The following TDRD12 variants were observed in gnomAD, a reference collection of about 807,000 sequenced individuals.
The protein encoded by TDRD12 is tudor domain containing 12, also known as putative ATP-dependent RNA helicase TDRD12.
Under a neutral mutation model 133.5 loss-of-function variants are expected in TDRD12, and 158 were observed. The ratio of observed to expected loss-of-function variants is 1.18; its 90% CI spans 1.04 to 1.35. The LOEUF is 1.35. TDRD12 is among the 40% of genes most tolerant of loss of function. TDRD12 has a pLI of 0.00. For synonymous variants in TDRD12, 460 were observed against 477.9 expected (o/e 0.96, Z 0.49); for missense variants, 1,443 against 1,321.3 (o/e 1.09, Z -1.43).
At position 32,826,371 on chromosome 19, in the gene TDRD12, T is replaced by C. The variant is rs866868775; in HGVS notation, c.895+14T>C. The C allele has an allele frequency of 1.5e-5, 19 of 1,270,718 alleles. No individual in the cohort carries two copies. The South Asian group carries it at 3.4e-4, about 22-fold the overall frequency. 78.7% of individuals were successfully genotyped at this position (1,270,718 alleles called of 1,614,324 possible). The stretch of plus-strand genomic sequence containing the variant: ...AGTCGTTTTCAGGTAGGTTTATGTA[T>C]AGTCATATAAAGTAAAATAGAAATA... On this transcript the variant is annotated intron_variant, in intron 8 of 9. Coordinates refer to the TDRD12 transcript ENST00000637289.
At chr19:32,769,626 A>T (rs1021729062) in intron 8 of TDRD12, among the ~76,000 whole-genome samples, 1 of 150,844 alleles carries the variant, frequency 6.6e-6, no homozygotes, top group Non-Finnish European at 1.5e-5. Flanking sequence ...AAGAAGTCAC[A>T]TACATTAATT....
At chr19:32,821,983 G>A (rs1008206285), downstream of TDRD12, among the ~76,000 whole-genome samples, 17 of 152,160 alleles carry the variant, frequency 1.1e-4, no homozygotes, top group African/African-American at 3.6e-4. Context: ...AGCTGGGCAT[G>A]GTGGGGGGGC....
rs145073856 is a variant in TDRD12, at chr19:32,768,885, G to A, written c.866-3868G>A. The stretch of plus-strand genomic sequence containing the variant: ...TCTCCTTTGTGAAATTCCTGTTTAC[G>A]TGTTTTCTTATAATAAGCTTTGAGA... On this transcript the variant is annotated intron_variant, in intron 8 of 27. Coordinates refer to ENST00000444215, the Ensembl canonical transcript of TDRD12. 3.4e-3 allele frequency among the ~76,000 whole-genome samples: 520 copies of A among 152,106 alleles called. 6 individuals carry two copies. Among genetic ancestry groups the A allele is most frequent in the African/African-American group, 0.012 (490 of 41,492 alleles).
At chr19:32,794,121 T>TTTTTTTG (rs1407227350) in intron 13 of TDRD12, among the ~76,000 whole-genome samples, 1 of 74,364 alleles carries the variant, frequency 1.3e-5, no homozygotes, top group African/African-American at 6.2e-5. Context: ...TTTTTTTTTT[T>TTTTTTTG]TTGAGATGGA....
At chr19:32,791,224 G>A (rs1408455023) in intron 13 of TDRD12, among the ~76,000 whole-genome samples, 156 bp downstream of exon 13, 1 of 151,982 alleles carries the variant, frequency 6.6e-6, no homozygotes, top group Admixed American at 6.6e-5. Context: ...CACCACACTC[G>A]GCCTAATTTC....
intron 8 of TDRD12, among the ~76,000 whole-genome samples, chr19:32,758,693 G>T (rs1970064664): frequency 6.6e-6 from 1 of 152,172 alleles, no homozygotes. Flanking sequence ...CCAGCACCTT[G>T]GGAGGTCAAG....
intron 21 of TDRD12, among the ~76,000 whole-genome samples, chr19:32,804,725 G>A (rs2145710364): frequency 6.6e-6 from 1 of 151,532 alleles, no homozygotes; most frequent in East Asian, 2.0e-4. Context: ...GGGTGTGGTG[G>A]CACACACCTG....
At chr19:32,801,374 C>T (rs949841769) in intron 18 of TDRD12, among the ~76,000 whole-genome samples, 1 of 152,120 alleles carries the variant, frequency 6.6e-6, no homozygotes, top group South Asian at 2.1e-4. Context: ...ATTAATAGTA[C>T]ATCTAGCTTT....
At chr19:32,827,224 CT>C (rs1405334003) in exon 10 of TDRD12, 1 of 1,231,960 alleles carries the variant, frequency 8.1e-7, no homozygotes, top group African/African-American at 1.6e-5. Flanking sequence ...AGTAGCAGCA[CT>C]TCAGAGGATG....
chr19:32,799,256 T>C (rs1360340364), intron 16 of TDRD12, among the ~76,000 whole-genome samples: 1 of 152,172 alleles, frequency 6.6e-6, no homozygotes, highest in African/African-American at 2.4e-5. Context: ...TGAACTCCTC[T>C]GAAGTCTCAG....
At chr19:32,782,959 T>G (rs551290597) in intron 11 of TDRD12, among the ~76,000 whole-genome samples, 1 of 152,368 alleles carries the variant, frequency 6.6e-6, no homozygotes, top group East Asian at 1.9e-4. Context: ...CAGAAGCTCT[T>G]TAGTTTAATT....
chr19:32,740,038 ACT>A (rs1969367859), intron 3 of TDRD12, among the ~76,000 whole-genome samples: 1 of 37,952 alleles, frequency 2.6e-5, no homozygotes, highest in African/African-American at 1.1e-4. Flanking sequence ...TCTCCTGGGC[ACT>A]CTCTGCATCT....
chr19:32,746,945 A>G (rs1969663202), intron 4 of TDRD12, among the ~76,000 whole-genome samples: 2 of 146,410 alleles, frequency 1.4e-5, no homozygotes, highest in Admixed American at 6.8e-5. Context: ...TGTGAGAGAG[A>G]GAGAGGGGGA....
chr19:32,790,495 C>G, intron 11 of TDRD12, 36 bp from the exon 12 acceptor site: 1 of 1,540,260 alleles, frequency 6.5e-7, no homozygotes, highest in Non-Finnish European at 8.8e-7. Flanking sequence ...AAACAAACAC[C>G]TTTTTCTTCA....
exon 15 of TDRD12, chr19:32,797,849 C>A (rs1227020211): frequency 4.3e-6 from 3 of 701,838 alleles, no homozygotes; most frequent in African/African-American, 3.5e-5. Flanking sequence ...AACAATTGGG[C>A]TCCATAAAGA....
At position 32,821,049 on chromosome 19, in the gene TDRD12, G is replaced by T. The variant is rs546292576; in HGVS notation, c.3400G>T (p.Asp1134Tyr). ...CCCGTCTAGGACGCCTCCAGCAGAA[G>T]ATGCTGCTTGCCTGCAGAGCCCCCA... Residue 1134 changes from aspartate (D) to tyrosine (Y), a missense_variant, in exon 28 of 28, where the codon GAT becomes TAT. By Grantham distance (160) the Asp-to-Tyr change is radical (BLOSUM62 -3). Transcript: ENST00000444215. 6 of 1,535,934 alleles carry T rather than the reference G, an allele frequency of 3.9e-6. No individual in the cohort carries two copies. In the African/African-American group the frequency reaches 8.2e-5, roughly 21 times the overall value.
At chr19:32,784,218 G>T (rs184173253) in intron 11 of TDRD12, among the ~76,000 whole-genome samples, 1 of 152,154 alleles carries the variant, frequency 6.6e-6, no homozygotes, top group Non-Finnish European at 1.5e-5. Flanking sequence ...GAATTTTGTC[G>T]AAGGCCTTTT....
At chr19:32,792,837 C>T (rs1453161471) in intron 13 of TDRD12, among the ~76,000 whole-genome samples, 5 of 152,114 alleles carry the variant, frequency 3.3e-5, no homozygotes, top group Non-Finnish European at 7.3e-5. Flanking sequence ...CACACTGGAC[C>T]AGGAATCAGA....
chr19:32,734,268 T>C (rs12151325), intron 2 of TDRD12, among the ~76,000 whole-genome samples: 88,868 of 151,922 alleles, frequency 0.58, 26,832 homozygotes, highest in East Asian at 0.82. Context: ...AAAGAGAAAT[T>C]GTGTGGATCA....
Sources: gnomAD v4.1 joint callset for allele counts (sites outside exome capture counted in the v4.1 genomes callset) on GRCh38, gnomAD v4.1.1 for gene constraint, MANE v1.5 for transcripts, NCBI Gene and HGNC (gene_info 2026-07-23, HGNC 2026-07-21) for gene names.